Variants in SP140 observed in about 807,000 individuals in gnomAD.
SP140 encodes nuclear body protein SP140.
A neutral mutation model predicts 125.0 loss-of-function variants in SP140; 81 were observed. That is an observed-to-expected ratio of 0.65 (90% CI 0.54 to 0.78). The LOEUF (loss-of-function observed/expected upper bound fraction) is 0.78, where lower values mean the gene tolerates loss of function less well. SP140 is among the 30% of genes least tolerant of loss of function. The probability of loss-of-function intolerance (pLI) is 0.00; values close to 1 mark genes in which losing one functional copy is unlikely to be tolerated. For synonymous variants in SP140, 312 were observed against 354.0 expected (o/e 0.88, Z 1.33); for missense variants, 858 against 1,037.0 (o/e 0.83, Z 2.37).
chr2:230,225,004 A>T (rs1268582860), upstream of SP140, among the ~76,000 whole-genome samples: 1 of 152,198 alleles, frequency 6.6e-6, no homozygotes, highest in Non-Finnish European at 1.5e-5. Context: ...TAAATGAAAA[A>T]TTGTGTGCAA....
chr2:230,260,550 A>G (rs1425557143), intron 12 of SP140, among the ~76,000 whole-genome samples: 2 of 152,124 alleles, frequency 1.3e-5, no homozygotes, highest in Admixed American at 6.5e-5. Flanking sequence ...TTCTGATGTT[A>G]TCTTCCAGAA....
chr2:230,316,303 A>G (rs2059483199), downstream of SP140, among the ~76,000 whole-genome samples: 1 of 139,832 alleles, frequency 7.2e-6, no homozygotes, highest in Non-Finnish European at 1.5e-5. Flanking sequence ...ATGTCAGTGT[A>G]TCCCCTCCAA....
intron 22 of SP140, 64 bp downstream of exon 22, chr2:230,297,526 T>C (rs2057857396): frequency 6.3e-7 from 1 of 1,577,612 alleles, no homozygotes. Context: ...GCATATGTTC[T>C]GTGTCATGAC....
chr2:230,267,652 G>A (rs2053326505), intron 12 of SP140, among the ~76,000 whole-genome samples: 1 of 152,150 alleles, frequency 6.6e-6, no homozygotes, highest in Non-Finnish European at 1.5e-5. Flanking sequence ...AGTATACAGA[G>A]GAAGTGAACA....
downstream of SP140, among the ~76,000 whole-genome samples, chr2:230,315,344 G>A (rs140785095): frequency 7.5e-4 from 114 of 152,194 alleles, 2 homozygotes; most frequent in African/African-American, 2.2e-3. Context: ...CTCACATGCC[G>A]GGGAAAGGAA....
chr2:230,201,756 G>C (rs530304132), upstream of SP140, among the ~76,000 whole-genome samples: 60 of 152,292 alleles, frequency 3.9e-4, no homozygotes, highest in African/African-American at 1.3e-3. Context: ...TCTTGCATTA[G>C]TAGAAGGTCC....
chr2:230,198,314 T>C (rs1207313001), upstream of SP140, among the ~76,000 whole-genome samples: 2 of 152,160 alleles, frequency 1.3e-5, no homozygotes, highest in African/African-American at 4.8e-5. Flanking sequence ...CCAGAGCTAG[T>C]ATAGCAGAGC....
chr2:230,294,863 A>G (rs2057525032), intron 21 of SP140, among the ~76,000 whole-genome samples: 1 of 151,682 alleles, frequency 6.6e-6, no homozygotes, highest in Non-Finnish European at 1.5e-5. Context: ...TTCACCTTCC[A>G]AAAAAATGTA....
At chr2:230,254,998 C>G (rs2050925626) in intron 11 of SP140, among the ~76,000 whole-genome samples, 1 of 152,108 alleles carries the variant, frequency 6.6e-6, no homozygotes, top group Admixed American at 6.5e-5. Context: ...AATGCCTTTC[C>G]TGATACCCAG....
chr2:230,231,294 C>G (rs1162059609), intron 1 of SP140, among the ~76,000 whole-genome samples: 2 of 152,196 alleles, frequency 1.3e-5, no homozygotes, highest in African/African-American at 4.8e-5. Context: ...CACTGTGTTA[C>G]TTCTTGCCTT....
At chr2:230,313,561 G>A (rs541459075), downstream of SP140, among the ~76,000 whole-genome samples, 3 of 152,298 alleles carry the variant, frequency 2.0e-5, no homozygotes, top group Non-Finnish European at 2.9e-5. Context: ...CCACACCCTG[G>A]TTTAGCTTTT....
chr2:230,224,920 A>C (rs1190196719), upstream of SP140, among the ~76,000 whole-genome samples: 1 of 152,112 alleles, frequency 6.6e-6, no homozygotes, highest in East Asian at 1.9e-4. Context: ...CCATTTGTTT[A>C]TCACTCGACT....
At chr2:230,189,197 T>C in the SP140 span, among the ~76,000 whole-genome samples, 1 of 152,108 alleles carries the variant, frequency 6.6e-6, no homozygotes, top group African/African-American at 2.4e-5. Flanking sequence ...GTTTCAATTT[T>C]ATTTCATTCT....
chr2:230,261,923 C>T (rs58989813), intron 12 of SP140, among the ~76,000 whole-genome samples: 32,607 of 151,886 alleles, frequency 0.21, 3,791 homozygotes, highest in African/African-American at 0.3. Flanking sequence ...TCTTTTTTGG[C>T]TATGTCCTTT....
chr2:230,275,654 G>T (rs1489097410), intron 15 of SP140, among the ~76,000 whole-genome samples: 1 of 152,094 alleles, frequency 6.6e-6, no homozygotes, highest in Non-Finnish European at 1.5e-5. Context: ...GCCTCTAAGG[G>T]CTCAAGTTAA....
At chr2:230,307,988 T>TAC (rs1491113448) in intron 22 of SP140, among the ~76,000 whole-genome samples, 8 of 74,436 alleles carry the variant, frequency 1.1e-4, no homozygotes, top group African/African-American at 3.5e-4. Context: ...TATATATATA[T>TAC]ATACACACAC....
chr2:230,295,647 G>C (rs972311798), intron 21 of SP140, among the ~76,000 whole-genome samples: 1 of 152,138 alleles, frequency 6.6e-6, no homozygotes, highest in African/African-American at 2.4e-5. Context: ...GGTCCTCTGT[G>C]CCTCTCAGAG....
intron 21 of SP140, among the ~76,000 whole-genome samples, chr2:230,294,810 G>A (rs1388197122): frequency 2.6e-5 from 4 of 152,024 alleles, no homozygotes; most frequent in South Asian, 2.1e-4. Flanking sequence ...TAATGAAATC[G>A]GCAACAAAAA....
At chr2:230,281,920 A>G (rs2055625567) in intron 15 of SP140, among the ~76,000 whole-genome samples, 1 of 152,158 alleles carries the variant, frequency 6.6e-6, no homozygotes, top group Non-Finnish European at 1.5e-5. Flanking sequence ...CCTAGAAACA[A>G]AATTGCCGGG....
Sources: allele counts gnomAD v4.1 joint callset (sites outside exome capture counted in the v4.1 genomes callset), GRCh38; gene constraint gnomAD v4.1.1; transcripts MANE v1.5; gene names NCBI Gene and HGNC (gene_info 2026-07-23, HGNC 2026-07-21).